Variants in MIER3 observed in about 807,000 individuals in gnomAD.
The protein encoded by MIER3 is MIER family member 3.
In MIER3, 9 loss-of-function variants were observed where a neutral mutation model predicts 63.2. That is an observed-to-expected ratio of 0.14 (90% CI 0.09 to 0.25). MIER3 has a LOEUF of 0.25. Ranked by LOEUF, MIER3 falls within the 10% of genes least tolerant of loss-of-function variation. MIER3 has a pLI of 1.00. For synonymous variants in MIER3, 205 were observed against 224.9 expected (o/e 0.91, Z 0.79); for missense variants, 512 against 666.2 (o/e 0.77, Z 2.55).
intron 3 of MIER3, among the ~76,000 whole-genome samples, chr5:56,944,476 G>A (rs1021276816): frequency 1.0e-4 from 15 of 150,216 alleles, no homozygotes; most frequent in East Asian, 5.9e-4. Flanking sequence ...GCGAGACTCC[G>A]TCTCAAAAAA....
chr5:56,932,648 C>T (rs577040269), intron 8 of MIER3, among the ~76,000 whole-genome samples: 61 of 152,244 alleles, frequency 4.0e-4, no homozygotes, highest in African/African-American at 1.4e-3. Flanking sequence ...AGGCAATGTT[C>T]CCATCCCCCA....
At chr5:56,951,617 G>A (rs1751033981) in intron 1 of MIER3, among the ~76,000 whole-genome samples, 1 of 152,028 alleles carries the variant, frequency 6.6e-6, no homozygotes, top group Non-Finnish European at 1.5e-5. Flanking sequence ...CCGCAGCCCG[G>A]GCCCGGTGGG....
At chr5:56,950,695 A>T in intron 1 of MIER3, 43 bp from the exon 2 acceptor site, 1 of 1,610,222 alleles carries the variant, frequency 6.2e-7, no homozygotes, top group African/African-American at 1.3e-5. Context: ...TCGCACAGCC[A>T]GGGAAAGAGG....
At chr5:56,938,763 T>G (rs578081745) in intron 4 of MIER3, 120 bp downstream of exon 4, 1 of 1,339,850 alleles carries the variant, frequency 7.5e-7, no homozygotes, top group East Asian at 2.5e-5. Context: ...GCCACCAAAA[T>G]AAGCACAATG....
At position 56,922,801 on chromosome 5, in the gene MIER3, A is replaced by T. The variant is rs1015605110; in HGVS notation, c.*327T>A. Reference sequence around the variant, plus strand: ...TCTGTCTACAGGTTTTAAAATTGGGAGTGAGGGCAGTGGGGAACACAAAAG... The same window carrying T: ...TCTGTCTACAGGTTTTAAAATTGGGTGTGAGGGCAGTGGGGAACACAAAAG... On this transcript the variant is annotated 3_prime_UTR_variant, in exon 13 of 13. Transcript: ENST00000381199. 7.3e-6 allele frequency: 2 copies of T among 273,952 alleles called. No homozygotes were observed. Among genetic ancestry groups the T allele is most frequent in the African/African-American group, 4.3e-5 (2 of 46,288 alleles). 17.0% of individuals were successfully genotyped at this position (273,952 alleles called of 1,614,324 possible).
At chr5:56,949,336 T>A (rs1750937200) in intron 2 of MIER3, among the ~76,000 whole-genome samples, 1 of 152,012 alleles carries the variant, frequency 6.6e-6, no homozygotes, top group South Asian at 2.1e-4. Flanking sequence ...CTGCATAACG[T>A]CTCAAACAAA....
intron 7 of MIER3, among the ~76,000 whole-genome samples, chr5:56,934,633 A>G (rs1308188003): frequency 1.3e-5 from 2 of 152,120 alleles, no homozygotes; most frequent in East Asian, 3.8e-4. Context: ...GTTTAGGAAA[A>G]CGGTGTTCCT....
At position 56,935,768 on chromosome 5, in the gene MIER3, T is replaced by C; in HGVS notation, c.437-17A>G. On this transcript the variant is annotated splice_polypyrimidine_tract_variant and intron_variant, in intron 5 of 12. Transcript: ENST00000381199. ...CAGTATTTGCTTAAAAGACAAAAAT[T>C]AAAAAGGTTTTTACTGCCTATTTTT... 1 of 1,601,754 alleles carries C rather than the reference T, an allele frequency of 6.2e-7. No homozygotes were observed. The highest frequency in any genetic ancestry group is 8.5e-7 in the Non-Finnish European group (1 of 1,173,144).
In MIER3 at chr5:56,922,672, A is replaced by G. The variant is rs1422501218; in HGVS notation, c.*456T>C. The G allele has an allele frequency of 1.8e-5, 3 of 163,792 alleles. No individual in the cohort carries two copies. The highest frequency in any genetic ancestry group is 2.7e-5 in the Non-Finnish European group (2 of 73,534). The allele number at this position is 163,792 out of a possible 1,614,324, so 10.1% of individuals were successfully genotyped here. ...AGCAGGGATCGGGATCGGTACCTGT[A>G]AACATTGTTATTCCACTGCATCCAT... is the stretch of plus-strand genomic sequence containing the variant. On this transcript the variant is annotated 3_prime_UTR_variant, in exon 13 of 13. Transcript: ENST00000381199.
intron 9 of MIER3, chr5:56,929,173 A>T (rs926903479): frequency 6.1e-5 from 12 of 195,270 alleles, no homozygotes; most frequent in African/African-American, 2.8e-4. Context: ...TTTTCTGATT[A>T]AAAAAAATTT....
At chr5:56,949,495 C>T (rs1750944056) in intron 2 of MIER3, among the ~76,000 whole-genome samples, 1 of 152,028 alleles carries the variant, frequency 6.6e-6, no homozygotes, top group Non-Finnish European at 1.5e-5. Flanking sequence ...ATATATTTTC[C>T]TAAAATCAGT....
chr5:56,950,209 C>T (rs757164708), intron 2 of MIER3, among the ~76,000 whole-genome samples: 26 of 152,070 alleles, frequency 1.7e-4, no homozygotes, highest in Non-Finnish European at 3.2e-4. Context: ...AAAGAAACAA[C>T]GTAAGAGGAG....
chr5:56,937,505 CT>C, intron 5 of MIER3, 72 bp downstream of exon 5: 4 of 1,356,088 alleles, frequency 2.9e-6, no homozygotes, highest in Non-Finnish European at 3.0e-6. Flanking sequence ...ACACAAATTA[CT>C]GAACACAATA....
In MIER3 at chr5:56,950,650, A is replaced by G. The variant is rs2112160012; in HGVS notation, c.12T>C (p.Ala4=). The G allele has an allele frequency of 6.2e-7, 1 of 1,613,740 alleles. No individual in the cohort carries two copies. The highest frequency in any genetic ancestry group is 1.6e-4 in the Middle Eastern group (1 of 6,062). The change falls in exon 2 of 13, where the codon GCT becomes GCC. Residue 4 remains alanine, a splice_region_variant and synonymous_variant. Coordinates refer to ENST00000381199, the MANE Select transcript of MIER3 (RefSeq NM_001297599.2). ...AACCTGGGCTCGAACTTCCAAAAGA[A>G]GCCTAGGAGAGAGAGAAGAAAACGT... The part of the protein sequence containing the change: MAE[A]SFGSSSPVGS...
chr5:56,928,959 T>A (rs1302644338), intron 9 of MIER3, 98 bp from the exon 10 acceptor site: 4 of 274,982 alleles, frequency 1.5e-5, no homozygotes, highest in Admixed American at 4.8e-5. Context: ...TCACAAACTC[T>A]CTCTCTCTCT....
chr5:56,946,941 A>C lies in MIER3; in HGVS notation c.165T>G (p.Ile55Met). 1 of 1,584,158 alleles carries C rather than the reference A, an allele frequency of 6.3e-7. No homozygotes were observed. Among genetic ancestry groups the C allele is most frequent in the Non-Finnish European group, 8.6e-7 (1 of 1,168,438 alleles). ...AATCTTATACCTTTTCTAAGTCTTC[A>C]ATTTCTGAACTGAAGTTTTTACCCT... ...MDEGKNFSSE[I>M]EDLEKEGTMP... The change falls in exon 3 of 13, where the codon ATT (isoleucine) becomes ATG (methionine). Residue 55 changes from isoleucine (I) to methionine (M), a missense_variant. This residue lies in a region of MIER3 where 98 missense variants were observed against 107.4 expected (regional missense o/e 0.91). Transcript: ENST00000381199.
At chr5:56,937,751 T>C (rs1168876559) in intron 4 of MIER3, 53 bp from the exon 5 acceptor site, 10 of 1,470,676 alleles carry the variant, frequency 6.8e-6, no homozygotes, top group East Asian at 2.4e-5. Context: ...ATCTCATTAA[T>C]TAAGAAAACT....
At chr5:56,942,276 C>T (rs1406914372) in intron 3 of MIER3, among the ~76,000 whole-genome samples, 1 of 152,166 alleles carries the variant, frequency 6.6e-6, no homozygotes, top group African/African-American at 2.4e-5. Context: ...AGATGTATTA[C>T]ACTATGGGCA....
chr5:56,943,593 G>C (rs185710839), intron 3 of MIER3, among the ~76,000 whole-genome samples: 13 of 152,308 alleles, frequency 8.5e-5, no homozygotes, highest in Admixed American at 8.5e-4. Context: ...GGGATGACAC[G>C]GGTGGCCAGA....
Sources: allele counts gnomAD v4.1 joint callset (sites outside exome capture counted in the v4.1 genomes callset), GRCh38; gene constraint gnomAD v4.1.1; regional missense constraint gnomAD v4.1.1; transcripts MANE v1.5; gene names NCBI Gene and HGNC (gene_info 2026-07-23, HGNC 2026-07-21).